The following FANCC variants were observed in gnomAD, a reference collection of about 807,000 sequenced individuals.
FANCC encodes Fanconi anemia group C protein.
A neutral mutation model predicts 71.3 loss-of-function variants in FANCC; 55 were observed. That is an observed-to-expected ratio of 0.77 (90% CI 0.62 to 0.97). FANCC has a LOEUF of 0.97. Among genes scored for constraint, FANCC ranks in the 50% least tolerant of loss-of-function variants. The pLI is 0.00. For synonymous variants in FANCC, 275 were observed against 244.9 expected (o/e 1.12, Z -1.15); for missense variants, 678 against 670.9 (o/e 1.01, Z -0.12).
At chr9:95,160,557 C>G (rs916467528) in intron 6 of FANCC, among the ~76,000 whole-genome samples, 9 of 152,128 alleles carry the variant, frequency 5.9e-5, no homozygotes, top group Non-Finnish European at 1.5e-5. Context: ...TTTTCCAATT[C>G]TGTGAAGAAA....
chr9:95,249,750 AAT>A (rs1207157327), intron 1 of FANCC, among the ~76,000 whole-genome samples: 1 of 152,188 alleles, frequency 6.6e-6, no homozygotes, highest in Non-Finnish European at 1.5e-5. Flanking sequence ...AGTGTTTAAT[AAT>A]AGTCTGTGCC....
At chr9:95,173,368 A>G (rs1403371959) in intron 4 of FANCC, among the ~76,000 whole-genome samples, 1 of 152,176 alleles carries the variant, frequency 6.6e-6, no homozygotes, top group East Asian at 1.9e-4. Context: ...TGTCACCTGA[A>G]CAAAGACCGA....
intron 13 of FANCC, 129 bp from the exon 14 acceptor site, chr9:95,107,398 G>C (rs1320614934): frequency 1.0e-6 from 1 of 988,302 alleles, no homozygotes; most frequent in African/African-American, 1.6e-5. Flanking sequence ...GAGGGAGCTA[G>C]GCAGCGGCCG....
intron 3 of FANCC, among the ~76,000 whole-genome samples, chr9:95,245,986 G>GA (rs1418734240): frequency 6.6e-6 from 1 of 152,080 alleles, no homozygotes; most frequent in Non-Finnish European, 1.5e-5. Context: ...TGCAAGTGCA[G>GA]AAAGTCTAAG....
chr9:95,273,904 G>A (rs1832884272), intron 1 of FANCC, among the ~76,000 whole-genome samples: 1 of 152,176 alleles, frequency 6.6e-6, no homozygotes, highest in African/African-American at 2.4e-5. Flanking sequence ...CATATGCATA[G>A]AGGAACTCAA....
chr9:95,284,957 A>G (rs776692518), intron 1 of FANCC, among the ~76,000 whole-genome samples: 1 of 152,042 alleles, frequency 6.6e-6, no homozygotes, highest in Non-Finnish European at 1.5e-5. Context: ...CACAGAAAAA[A>G]TAAATCTGAG....
chr9:95,111,550 C>T lies in FANCC; in HGVS notation c.1242G>A (p.Ser414=), dbSNP rs587780939. ...AEMVAEQLLM[S]AAEPPTALLW... ...GCAGGGCCGTGGGGGGTTCGGCTGC[C>T]GACATCAGTAATTGCTCTGCCACCA... Residue 414 remains serine, a synonymous_variant, in exon 13 of 15, where the codon TCG becomes TCA. Coordinates refer to ENST00000289081, the MANE Select transcript of FANCC (RefSeq NM_000136.3). 4.4e-5 allele frequency: 71 copies of T among 1,613,984 alleles called. 1 individual carries two copies. The highest frequency in any genetic ancestry group is 3.2e-5 in the Non-Finnish European group (38 of 1,180,040).
At chr9:95,171,231 T>C (rs1184436241) in intron 5 of FANCC, 88 bp from the exon 6 acceptor site, 1 of 991,038 alleles carries the variant, frequency 1.0e-6, no homozygotes, top group Non-Finnish European at 1.6e-6. Flanking sequence ...GATATTTCCG[T>C]TGAGATTCCC....
At chr9:95,302,268 ATT>A (rs1385124920) in intron 1 of FANCC, among the ~76,000 whole-genome samples, 1 of 152,158 alleles carries the variant, frequency 6.6e-6, no homozygotes, top group African/African-American at 2.4e-5. Flanking sequence ...CCCTAGTTGC[ATT>A]CTGGTAGAAA....
chr9:95,233,168 C>T (rs1282597067), intron 4 of FANCC, among the ~76,000 whole-genome samples: 1 of 151,338 alleles, frequency 6.6e-6, no homozygotes, highest in Non-Finnish European at 1.5e-5. Context: ...ATAAATATCC[C>T]CTATACAGGC....
At chr9:95,198,633 G>A (rs866898401) in intron 4 of FANCC, among the ~76,000 whole-genome samples, 1 of 152,190 alleles carries the variant, frequency 6.6e-6, no homozygotes, top group Non-Finnish European at 1.5e-5. Context: ...CATTCTCAGA[G>A]AGCCCATGTG....
intron 1 of FANCC, among the ~76,000 whole-genome samples, chr9:95,251,938 G>T (rs1270712985): frequency 6.6e-6 from 1 of 152,142 alleles, no homozygotes; most frequent in African/African-American, 2.4e-5. Context: ...TATGATTGTG[G>T]AATATGAATC....
Position 95,187,610 on chromosome 9 carries a change from T to C in FANCC, c.346-15463A>G, listed in dbSNP as rs572367050. ...TCTGGGGGTGGGCCCTAGAATCTGTTCTTCCAACAGGACAAACACCCCCTT... is the reference window on the plus strand; with the variant it reads ...TCTGGGGGTGGGCCCTAGAATCTGTCCTTCCAACAGGACAAACACCCCCTT... On this transcript the variant is annotated intron_variant, in intron 4 of 14. Transcript: ENST00000289081. Among the ~76,000 whole-genome samples the C allele has an allele frequency of 4.6e-5, 7 of 152,164 alleles. No individual in the cohort carries two copies. In the South Asian group the frequency reaches 1.0e-3, roughly 23 times the overall value.
At chr9:95,188,486 T>TA (rs370710532) in intron 4 of FANCC, among the ~76,000 whole-genome samples, 76 of 152,298 alleles carry the variant, frequency 5.0e-4, no homozygotes, top group African/African-American at 1.7e-3. Flanking sequence ...GCCTACAACT[T>TA]ACACTGCTTG....
At chr9:95,290,157 G>A (rs1833921019) in intron 1 of FANCC, among the ~76,000 whole-genome samples, 1 of 152,176 alleles carries the variant, frequency 6.6e-6, no homozygotes, top group South Asian at 2.1e-4. Context: ...TCAAGCAGTG[G>A]AAGGGTAATT....
chr9:95,107,513 C>G, intron 13 of FANCC: 1 of 583,894 alleles, frequency 1.7e-6, no homozygotes, highest in Non-Finnish European at 3.1e-6. Context: ...CAGGAACTGA[C>G]CTTTTTTTGT....
intron 10 of FANCC, among the ~76,000 whole-genome samples, chr9:95,122,777 G>A (rs1032628604): frequency 4.6e-5 from 7 of 152,190 alleles, no homozygotes; most frequent in African/African-American, 9.7e-5. Context: ...GGTGTGCTCC[G>A]CGAGGCCACA....
At position 95,285,296 on chromosome 9, in the gene FANCC, AAACT is replaced by A. The variant is rs572791736; in HGVS notation, c.-79+32226_-79+32229del. On this transcript the variant is annotated intron_variant, in intron 1 of 14. Transcript: ENST00000289081. ...ATTATTATAATACTATAAACTAAACAAACTAATATCCAAAACAGCAAACTGAAAA... is the reference window on the plus strand; with the variant it reads ...ATTATTATAATACTATAAACTAAACAAATATCCAAAACAGCAAACTGAAAA... 2.0e-5 allele frequency among the ~76,000 whole-genome samples: 3 copies of A among 152,234 alleles called. No individual in the cohort carries two copies. The South Asian group carries it at 6.2e-4, about 32-fold the overall frequency.
intron 8 of FANCC, among the ~76,000 whole-genome samples, chr9:95,129,369 A>T (rs984892294): frequency 6.6e-6 from 1 of 152,188 alleles, no homozygotes; most frequent in Admixed American, 6.5e-5. Flanking sequence ...TATCAAGATA[A>T]TCTTCCAAAT....
Sources: allele counts gnomAD v4.1 joint callset (sites outside exome capture counted in the v4.1 genomes callset), GRCh38; gene constraint gnomAD v4.1.1; transcripts MANE v1.5; gene names NCBI Gene and HGNC (gene_info 2026-07-23, HGNC 2026-07-21).